The following HDHD2 variants were observed in gnomAD, a reference collection of about 807,000 sequenced individuals.
HDHD2 encodes the protein haloacid dehalogenase-like hydrolase domain-containing protein 2.
A neutral mutation model predicts 24.8 loss-of-function variants in HDHD2; 26 were observed. The ratio of observed to expected loss-of-function variants is 1.05; its 90% confidence interval spans 0.77 to 1.45. The LOEUF (loss-of-function observed/expected upper bound fraction) is 1.45, where lower values mean the gene tolerates loss of function less well. Ranked by LOEUF, HDHD2 falls within the 40% of genes most tolerant of loss-of-function variation. The pLI is 0.00. For missense variants in HDHD2, 299 were observed against 313.4 expected (o/e 0.95, Z 0.35); for synonymous variants, 128 against 114.9 (o/e 1.11, Z -0.73).
rs2144311839 is a variant in HDHD2 at position 47,122,297 on chromosome 18, A to T, written c.396-6949T>A. ...GAGTCACTTCACATTTGTGAGCTTC[A>T]GTTTCAAATGAAGCAGTAAACTAGT... On this transcript the variant is annotated intron_variant, in intron 4 of 6. Transcript: ENST00000300605. 2.0e-5 allele frequency among the ~76,000 whole-genome samples: 3 copies of T among 152,302 alleles called. No homozygotes were observed. In the South Asian group the frequency reaches 6.2e-4, roughly 32 times the overall value.
intron 4 of HDHD2, among the ~76,000 whole-genome samples, chr18:47,127,152 C>CTT (rs2144327932): frequency 6.6e-6 from 1 of 151,816 alleles, no homozygotes; most frequent in East Asian, 1.9e-4. Context: ...CAGAGCAAGA[C>CTT]TCCGTCTCAA....
chr18:47,136,373 C>A lies in HDHD2; in HGVS notation c.67G>T (p.Ala23Ser). ...DLSGTLHIED[A>S]AVPGAQEALK... ...GCTTCCTGTGCGCCTGGCACAGCTG[C>A]ATCTTCAATGTGAAGTGTGCCACTG... Residue 23 changes from alanine to serine, a missense_variant, in exon 2 of 7, where the codon GCA becomes TCA. Ala to Ser is a moderately conservative substitution (Grantham distance 99). Transcript: ENST00000300605. 2 of 1,613,292 alleles carry A rather than the reference C, an allele frequency of 1.2e-6. No homozygotes were observed. The highest frequency in any genetic ancestry group is 1.7e-6 in the Non-Finnish European group (2 of 1,179,680).
chr18:47,144,502 C>T (rs1039730089), intron 1 of HDHD2, among the ~76,000 whole-genome samples: 1 of 152,128 alleles, frequency 6.6e-6, no homozygotes, highest in African/African-American at 2.4e-5. Context: ...ACCAAATTCA[C>T]ATTACCTAAG....
chr18:47,136,402 T>A lies in HDHD2; in HGVS notation c.38A>T (p.Asp13Val), dbSNP rs777403004. The change falls in exon 2 of 7, where the codon GAT becomes GTT. Residue 13 changes from aspartate (D) to valine (V), a missense_variant. Physicochemically the swap from Asp to Val is radical, Grantham distance 152. Coordinates refer to ENST00000300605, the MANE Select transcript of HDHD2 (RefSeq NM_032124.5). ...TTCAATGTGAAGTGTGCCACTGAGA[T>A]CTACCAAAACAGCTTTTAATGCACG... is the stretch of plus-strand genomic sequence containing the variant. ...ACRALKAVLV[D>V]LSGTLHIEDA... The A allele has an allele frequency of 3.1e-6, 5 of 1,613,124 alleles. No homozygotes were observed. In the Admixed American group the frequency reaches 8.3e-5, roughly 27 times the overall value.
At chr18:47,145,686 T>A (rs1030280675) in intron 1 of HDHD2, among the ~76,000 whole-genome samples, 2 of 152,132 alleles carry the variant, frequency 1.3e-5, no homozygotes, top group Admixed American at 6.5e-5. Flanking sequence ...TAGGAGAGTA[T>A]CTTCATGACT....
intron 1 of HDHD2, among the ~76,000 whole-genome samples, 178 bp from the exon 2 acceptor site, chr18:47,136,627 T>C (rs2063768743): frequency 6.6e-6 from 1 of 151,734 alleles, no homozygotes; most frequent in South Asian, 2.1e-4. Context: ...TCCATAAACC[T>C]TTTACAATAC....
intron 4 of HDHD2, among the ~76,000 whole-genome samples, chr18:47,121,690 C>T (rs1031969440): frequency 2.6e-5 from 4 of 152,108 alleles, no homozygotes; most frequent in African/African-American, 7.2e-5. Flanking sequence ...AGCACAGTCT[C>T]GAAAGCCTTG....
At chr18:47,140,240 A>C (rs2063807317) in intron 1 of HDHD2, among the ~76,000 whole-genome samples, 1 of 152,182 alleles carries the variant, frequency 6.6e-6, no homozygotes, top group African/African-American at 2.4e-5. Flanking sequence ...ACCTTTTGGG[A>C]TTCTGACTAG....
At chr18:47,122,646 C>T (rs960004575) in intron 4 of HDHD2, among the ~76,000 whole-genome samples, 1 of 151,994 alleles carries the variant, frequency 6.6e-6, no homozygotes. Context: ...ATGAAAAACA[C>T]GAAAGGAAAA....
Position 47,108,387 on chromosome 18 carries a change from T to C in HDHD2, c.*295A>G, listed in dbSNP as rs2063490013. On this transcript the variant is annotated 3_prime_UTR_variant, in exon 7 of 7. Coordinates refer to ENST00000300605, the MANE Select transcript of HDHD2 (RefSeq NM_032124.5). ...CAGCAGAGAACACTCTTCCCTGTAG[T>C]AGCTTTTCCCCCACAGCCCCACCTA... 1.1e-5 allele frequency: 3 copies of C among 264,386 alleles called. No individual in the cohort carries two copies. Among genetic ancestry groups the C allele is most frequent in the South Asian group, 1.4e-4 (1 of 7,282 alleles). The allele number at this position is 264,386 out of a possible 1,614,324, so 16.4% of individuals were successfully genotyped here.
intron 1 of HDHD2, among the ~76,000 whole-genome samples, chr18:47,147,851 GTGAC>G (rs1408876967): frequency 2.0e-5 from 3 of 152,178 alleles, no homozygotes; most frequent in Non-Finnish European, 4.4e-5. Context: ...ATATTTGAGA[GTGAC>G]TGACTAAGGC....
intron 4 of HDHD2, among the ~76,000 whole-genome samples, chr18:47,121,710 T>A (rs771745122): frequency 6.6e-6 from 1 of 152,110 alleles, no homozygotes; most frequent in Non-Finnish European, 1.5e-5. Flanking sequence ...GCCCTATCTA[T>A]CCCCAACCCC....
intron 1 of HDHD2, among the ~76,000 whole-genome samples, chr18:47,139,050 A>G (rs975578464): frequency 6.6e-6 from 1 of 152,208 alleles, no homozygotes; most frequent in African/African-American, 2.4e-5. Flanking sequence ...ATGCACCCAC[A>G]TGCTGTGAGG....
intron 2 of HDHD2, among the ~76,000 whole-genome samples, chr18:47,135,694 G>T (rs1431510901): frequency 6.6e-6 from 1 of 152,174 alleles, no homozygotes; most frequent in African/African-American, 2.4e-5. Context: ...CTTAATATAT[G>T]TTATTGGTTC....
rs534579187 is a variant in HDHD2 at position 47,133,170 on chromosome 18, A to G, written c.310+1326T>C. ...CTCCCCCCACCCCACAACAGGCCCC[A>G]GTGTGTGATGTTCCCCTTCCTGTGT... On this transcript the variant is annotated intron_variant, in intron 3 of 6. Transcript: ENST00000300605. Among the ~76,000 whole-genome samples the G allele has an allele frequency of 4.4e-3, 551 of 124,142 alleles. 3 individuals carry two copies. Among genetic ancestry groups the G allele is most frequent in the African/African-American group, 0.016 (510 of 32,124 alleles). 81.4% of individuals were successfully genotyped at this position (124,142 alleles called of 152,430 possible). A position where few individuals can be genotyped will look rare whatever the true frequency, so the allele number is the denominator to read the frequency against.
At chr18:47,133,483 T>G (rs1824858683) in intron 3 of HDHD2, among the ~76,000 whole-genome samples, 1 of 133,956 alleles carries the variant, frequency 7.5e-6, no homozygotes, top group African/African-American at 2.8e-5. Context: ...TATAGCAGCA[T>G]GATTTATAGT....
intron 4 of HDHD2, among the ~76,000 whole-genome samples, chr18:47,123,908 A>G (rs2571009): frequency 0.47 from 70,904 of 152,030 alleles, 16,630 homozygotes; most frequent in Middle Eastern, 0.57. Flanking sequence ...TAGAATAGCC[A>G]AGACAATCTT....
chr18:47,111,010 A>T, intron 6 of HDHD2: 1 of 985,118 alleles, frequency 1.0e-6, no homozygotes, highest in Non-Finnish European at 1.2e-6. Context: ...AACACTGGGA[A>T]GCCTAGCACT....
chr18:47,125,969 A>G (rs1478149754), intron 4 of HDHD2, among the ~76,000 whole-genome samples: 2 of 152,238 alleles, frequency 1.3e-5, no homozygotes, highest in South Asian at 2.1e-4. Flanking sequence ...TGCCTGCTAA[A>G]TATATCCTCA....
Sources: gnomAD v4.1 joint callset for allele counts (sites outside exome capture counted in the v4.1 genomes callset) on GRCh38, gnomAD v4.1.1 for gene constraint, MANE v1.5 for transcripts, NCBI Gene and HGNC (gene_info 2026-07-23, HGNC 2026-07-21) for gene names.